Variants in WNK1 observed in about 807,000 individuals in gnomAD.
The protein encoded by WNK1 is WNK lysine deficient protein kinase 1.
WNK1 carries 38 observed loss-of-function variants against 222.8 expected under a neutral mutation model. That is an observed-to-expected ratio of 0.17 (90% CI 0.13 to 0.22). The LOEUF (loss-of-function observed/expected upper bound fraction) is 0.22, where lower values mean the gene tolerates loss of function less well. Ranked by LOEUF, WNK1 falls within the 10% of genes least tolerant of loss-of-function variation. The probability of loss-of-function intolerance (pLI) is 1.00; values close to 1 mark genes in which losing one functional copy is unlikely to be tolerated. For missense variants in WNK1, 2,348 were observed against 2,918.4 expected, an observed-to-expected ratio of 0.80 and a Z score of 4.50; for synonymous variants, 1,090 against 1,092.9, an observed-to-expected ratio of 1.00 and a Z score of 0.05.
At chr12:856,327 A>G (rs906164661) in intron 4 of WNK1, among the ~76,000 whole-genome samples, 9 of 151,556 alleles carry the variant, frequency 5.9e-5, no homozygotes, top group Non-Finnish European at 1.0e-4. Flanking sequence ...GGTGGCGTAT[A>G]CCTGTATTCC....
In WNK1 at chr12:880,972, T is replaced by C; in HGVS notation, c.3084T>C (p.Thr1028=). ...GAGGGAGTTTAGCACAAGCCCCCAC[T>C]ACATCCTCCCAGCAAGCAGTTTTGG... The part of the protein sequence containing the change: ...QPGGSLAQAP[T]TSSQQAVLES... Residue 1028 remains threonine (T), a synonymous_variant, in exon 12 of 28, where the codon ACT becomes ACC. Transcript: ENST00000315939. 6.2e-7 allele frequency: 1 copy of C among 1,614,128 alleles called. No individual in the cohort carries two copies. Among genetic ancestry groups the C allele is most frequent in the Non-Finnish European group, 8.5e-7 (1 of 1,180,016 alleles).
At position 896,695 on chromosome 12, in the gene WNK1, G is replaced by A; in HGVS notation, c.6208G>A (p.Glu2070Lys). 1 of 1,609,720 alleles carries A rather than the reference G, an allele frequency of 6.2e-7. No homozygotes were observed. Among genetic ancestry groups the A allele is most frequent in the Non-Finnish European group, 8.5e-7 (1 of 1,179,226 alleles). ...CGACAATGAGTCAGATATCGAAGAT[G>A]AAGACTTAAAGTTAGAGCTGCGACG... Reference protein sequence around the residue: ...SSDNESDIEDEDLKLELRRLR... With the variant: ...SSDNESDIEDKDLKLELRRLR... The change falls in exon 24 of 28, where the codon GAA (glutamate) becomes AAA (lysine). Residue 2070 changes from glutamate to lysine, a missense_variant. By Grantham distance (56) the Glu-to-Lys change is moderately conservative. Around this residue, in one of 13 missense-constraint regions of WNK1, gnomAD observed 1,144 missense variants for 1,273.6 expected, o/e 0.90. Transcript: ENST00000315939.
At chr12:866,395 G>A (rs1016520542) in intron 8 of WNK1, among the ~76,000 whole-genome samples, 30 of 152,066 alleles carry the variant, frequency 2.0e-4, no homozygotes, top group African/African-American at 5.6e-4. Flanking sequence ...ATGGAATCTC[G>A]CTCTGTCGCC....
chr12:843,223 G>A (rs560091957), intron 4 of WNK1, among the ~76,000 whole-genome samples: 33 of 152,248 alleles, frequency 2.2e-4, no homozygotes, highest in East Asian at 9.6e-4. Flanking sequence ...AGGTGTGAGC[G>A]ACCACGCCTG....
intron 1 of WNK1, among the ~76,000 whole-genome samples, chr12:811,005 A>G (rs1156742744): frequency 6.6e-6 from 1 of 152,200 alleles, no homozygotes; most frequent in African/African-American, 2.4e-5. Flanking sequence ...AAATGAATAG[A>G]ATGGGTTAGC....
At chr12:830,432 T>C (rs1948703910) in intron 4 of WNK1, among the ~76,000 whole-genome samples, 1 of 152,244 alleles carries the variant, frequency 6.6e-6, no homozygotes, top group African/African-American at 2.4e-5. Context: ...TTACCTACTT[T>C]TTAACCCCCT....
At chr12:780,134 A>G (rs1239360909) in intron 1 of WNK1, among the ~76,000 whole-genome samples, 41 of 152,218 alleles carry the variant, frequency 2.7e-4, no homozygotes, top group Admixed American at 2.6e-3. Context: ...TGTTTGTAGT[A>G]TGAAGCTGTG....
chr12:817,879 G>C (rs1384423648), intron 2 of WNK1, among the ~76,000 whole-genome samples: 1 of 152,146 alleles, frequency 6.6e-6, no homozygotes, highest in Non-Finnish European at 1.5e-5. Context: ...CTTGACCCCG[G>C]AAGTGGAGGT....
At chr12:903,642 A>G (rs1955455787) in intron 26 of WNK1, among the ~76,000 whole-genome samples, 1 of 152,180 alleles carries the variant, frequency 6.6e-6, no homozygotes, top group Non-Finnish European at 1.5e-5. Flanking sequence ...AAGTGGTCAG[A>G]AATATTGAAT....
chr12:834,843 T>G (rs1949059986), intron 4 of WNK1, among the ~76,000 whole-genome samples: 1 of 152,162 alleles, frequency 6.6e-6, no homozygotes, highest in Non-Finnish European at 1.5e-5. Context: ...ATAACATCTA[T>G]GAAACTTTGA....
chr12:761,352 T>A (rs1940996816), intron 1 of WNK1, among the ~76,000 whole-genome samples: 1 of 148,216 alleles, frequency 6.7e-6, no homozygotes, highest in Non-Finnish European at 1.5e-5. Flanking sequence ...TCAGATAAGC[T>A]GTTAGTCATA....
Position 883,994 on chromosome 12 carries a change from C to G in WNK1, c.3722-127C>G. The G allele has an allele frequency of 5.3e-6, 8 of 1,521,616 alleles. No individual in the cohort carries two copies. The South Asian group carries it at 9.2e-5, about 18-fold the overall frequency. 94.3% of individuals were successfully genotyped at this position (1,521,616 alleles called of 1,614,324 possible). A position where few individuals can be genotyped will look rare whatever the true frequency, so the allele number is the denominator to read the frequency against. ...AGTGAGCTGAGATCGCGCCACTGCA[C>G]TCCAGCCTGGGTGAGAGAATGAGAC... On this transcript the variant is annotated intron_variant, in intron 17 of 27. Coordinates refer to ENST00000315939, the MANE Select transcript of WNK1 (RefSeq NM_018979.4).
At position 871,229 on chromosome 12, in the gene WNK1, C is replaced by T. The variant is rs987937973; in HGVS notation, c.2140-36C>T. 1.2e-5 allele frequency: 19 copies of T among 1,594,284 alleles called. No individual in the cohort carries two copies. In the Admixed American group the frequency reaches 3.2e-4, roughly 27 times the overall value. Reference sequence around the variant, plus strand: ...TGACCTCTATACACTTACTTTAGGCCTTCTCTAATTTGTTGTGTTCACTTC... The same window carrying T: ...TGACCTCTATACACTTACTTTAGGCTTTCTCTAATTTGTTGTGTTCACTTC... On this transcript the variant is annotated intron_variant, in intron 8 of 27. Coordinates refer to ENST00000315939, the MANE Select transcript of WNK1 (RefSeq NM_018979.4).
chr12:764,869 G>T (rs988565234), intron 1 of WNK1, among the ~76,000 whole-genome samples: 4 of 147,394 alleles, frequency 2.7e-5, no homozygotes, highest in African/African-American at 9.7e-5. Flanking sequence ...TGGCTATTTC[G>T]CTCTTGCCAC....
At chr12:842,791 G>A (rs1949727500) in intron 4 of WNK1, among the ~76,000 whole-genome samples, 1 of 152,154 alleles carries the variant, frequency 6.6e-6, no homozygotes, top group African/African-American at 2.4e-5. Context: ...TAAGAAGGAA[G>A]AGAAACTGTA....
intron 26 of WNK1, 134 bp from the exon 27 acceptor site, chr12:907,713 C>CT (rs1955825703): frequency 1.9e-6 from 2 of 1,052,518 alleles, no homozygotes; most frequent in Non-Finnish European, 2.9e-6. Context: ...TTGGAATCTT[C>CT]CCTCTTGCAT....
At position 778,606 on chromosome 12, in the gene WNK1, C is replaced by T. The variant is rs1389376554; in HGVS notation, c.759+24282C>T. 4.0e-5 allele frequency among the ~76,000 whole-genome samples: 6 copies of T among 151,012 alleles called. No homozygotes were observed. In the South Asian group the frequency reaches 1.3e-3, roughly 32 times the overall value. On this transcript the variant is annotated intron_variant, in intron 1 of 27. Coordinates refer to ENST00000315939, the MANE Select transcript of WNK1 (RefSeq NM_018979.4). Reference sequence around the variant, plus strand: ...TCAGCCTGCCAAAGTGCTGGGATTACAGGTGTGAGCCACCGTGCCCGGCCA... The same window carrying T: ...TCAGCCTGCCAAAGTGCTGGGATTATAGGTGTGAGCCACCGTGCCCGGCCA...
chr12:779,109 TTAA>T (rs1943418915), intron 1 of WNK1, among the ~76,000 whole-genome samples: 1 of 152,238 alleles, frequency 6.6e-6, no homozygotes, highest in Admixed American at 6.5e-5. Flanking sequence ...TTCTCTTCTG[TTAA>T]AATTGCCACT....
At chr12:794,184 G>A (rs150533728) in intron 1 of WNK1, among the ~76,000 whole-genome samples, 425 of 152,184 alleles carry the variant, frequency 2.8e-3, no homozygotes, top group African/African-American at 9.7e-3. Flanking sequence ...GTTGTTTCCC[G>A]TTTTGGGTTA....
Sources: allele counts gnomAD v4.1 joint callset (sites outside exome capture counted in the v4.1 genomes callset), GRCh38; gene constraint gnomAD v4.1.1; regional missense constraint gnomAD v4.1.1; transcripts MANE v1.5; gene names NCBI Gene and HGNC (gene_info 2026-07-23, HGNC 2026-07-21).